Variants in SLC14A2 observed in about 807,000 individuals in gnomAD.
SLC14A2 encodes the protein urea transporter 2.
SLC14A2 carries 91 observed loss-of-function variants against 104.6 expected under a neutral mutation model. That is an observed-to-expected ratio of 0.87 (90% CI 0.73 to 1.04). The LOEUF (loss-of-function observed/expected upper bound fraction) is 1.04. Among genes scored for constraint, SLC14A2 ranks in the 50% least tolerant of loss-of-function variants. SLC14A2 has a pLI of 0.00. For missense variants in SLC14A2, 1,189 were observed against 1,156.0 expected (o/e 1.03, Z -0.41); for synonymous variants, 476 against 466.4 (o/e 1.02, Z -0.27).
At chr18:45,276,222 C>T (rs188506647) in intron 1 of SLC14A2, among the ~76,000 whole-genome samples, 22 of 152,256 alleles carry the variant, frequency 1.4e-4, no homozygotes, top group African/African-American at 3.4e-4. Context: ...ATTTCACAGG[C>T]GGCATATTTC....
chr18:45,354,168 C>T (rs1168427051), intron 1 of SLC14A2, among the ~76,000 whole-genome samples: 1 of 152,180 alleles, frequency 6.6e-6, no homozygotes, highest in African/African-American at 2.4e-5. Flanking sequence ...AAATTACCTA[C>T]ACTATAACCA....
intron 1 of SLC14A2, among the ~76,000 whole-genome samples, chr18:45,427,321 G>T (rs957779031): frequency 6.6e-6 from 1 of 151,854 alleles, no homozygotes; most frequent in African/African-American, 2.4e-5. Flanking sequence ...CCCTGGCTCT[G>T]TGCCCAAGGC....
intron 1 of SLC14A2, among the ~76,000 whole-genome samples, chr18:45,251,001 C>A (rs1430545065): frequency 6.6e-6 from 1 of 151,978 alleles, no homozygotes; most frequent in Non-Finnish European, 1.5e-5. Flanking sequence ...CATAATTCAG[C>A]CATAGACATT....
chr18:45,323,778 C>T (rs1368873814), intron 1 of SLC14A2, among the ~76,000 whole-genome samples: 1 of 152,182 alleles, frequency 6.6e-6, no homozygotes, highest in African/African-American at 2.4e-5. Flanking sequence ...AAGGTAGATT[C>T]CAAACACCAG....
At position 45,642,966 on chromosome 18, in the gene SLC14A2, A is replaced by T. The variant is rs564560447; in HGVS notation, c.1127-166A>T. Among the ~76,000 whole-genome samples the T allele has an allele frequency of 8.1e-4, 123 of 152,374 alleles. 1 individual carries two copies. Among genetic ancestry groups the T allele is most frequent in the Non-Finnish European group, 1.5e-3 (99 of 68,030 alleles). ...GGCCTCACCTGTCTACAGAGATAAC[A>T]AATGCCAGGCAAGCATGCCAGCTGT... is the stretch of plus-strand genomic sequence containing the variant. On this transcript the variant is annotated intron_variant, in intron 8 of 19. Coordinates refer to ENST00000255226, the MANE Select transcript of SLC14A2 (RefSeq NM_007163.4).
At chr18:45,574,483 C>T (rs938993036) in intron 2 of SLC14A2, among the ~76,000 whole-genome samples, 1 of 152,236 alleles carries the variant, frequency 6.6e-6, no homozygotes, top group African/African-American at 2.4e-5. Context: ...CTACAAAAAC[C>T]GTCCCACCCT....
At chr18:45,601,691 T>C (rs1218170257) in intron 2 of SLC14A2, among the ~76,000 whole-genome samples, 1 of 152,262 alleles carries the variant, frequency 6.6e-6, no homozygotes, top group Non-Finnish European at 1.5e-5. Context: ...ATGAACATCA[T>C]TGAGGAAAAT....
intron 1 of SLC14A2, among the ~76,000 whole-genome samples, chr18:45,280,984 A>T (rs1308513735): frequency 2.0e-5 from 3 of 152,110 alleles, no homozygotes; most frequent in Admixed American, 6.5e-5. Flanking sequence ...CGAGGTCTCC[A>T]GCCTCCTCCC....
At chr18:45,562,640 C>T (rs924152918) in intron 2 of SLC14A2, among the ~76,000 whole-genome samples, 17 of 152,240 alleles carry the variant, frequency 1.1e-4, no homozygotes, top group African/African-American at 3.4e-4. Context: ...CTTGTTGGCC[C>T]GGGCAGCCGG....
chr18:45,466,735 G>A (rs74479752), intron 1 of SLC14A2, among the ~76,000 whole-genome samples: 3,214 of 151,556 alleles, frequency 0.021, 67 homozygotes, highest in South Asian at 0.068. Flanking sequence ...AGTTAAATTC[G>A]GAATGCAATG....
chr18:45,470,338 C>T (rs2087224043), intron 1 of SLC14A2, among the ~76,000 whole-genome samples: 1 of 152,142 alleles, frequency 6.6e-6, no homozygotes, highest in South Asian at 2.1e-4. Context: ...TTTCCAGTCA[C>T]TTTATTTTAA....
chr18:45,241,642 T>C (rs1440227709), intron 1 of SLC14A2, among the ~76,000 whole-genome samples: 3 of 90,972 alleles, frequency 3.3e-5, no homozygotes, highest in Middle Eastern at 5.4e-3. Context: ...CTTTTCTCTT[T>C]TTTTTTTTTT....
intron 1 of SLC14A2, among the ~76,000 whole-genome samples, chr18:45,285,486 C>T (rs1018633706): frequency 9.2e-5 from 14 of 152,186 alleles, no homozygotes; most frequent in East Asian, 5.8e-4. Flanking sequence ...GGTGCAATCT[C>T]GGCTCACCGC....
At chr18:45,294,681 A>G (rs1337384851) in intron 1 of SLC14A2, among the ~76,000 whole-genome samples, 1 of 152,238 alleles carries the variant, frequency 6.6e-6, no homozygotes, top group Non-Finnish European at 1.5e-5. Flanking sequence ...ACGATCAAAT[A>G]TATTTGGCTG....
chr18:45,183,863 GCT>G, the SLC14A2 span, among the ~76,000 whole-genome samples: 1 of 146,290 alleles, frequency 6.8e-6, no homozygotes, highest in Non-Finnish European at 1.5e-5. Context: ...CTCCCAACAA[GCT>G]GGAACTGTAG....
In SLC14A2 at chr18:45,482,458, C is replaced by A. The variant is rs2087512843; in HGVS notation, c.-124-775C>A. The A allele has an allele frequency of 3.3e-5, 5 of 152,304 alleles. No homozygotes were observed. The South Asian group carries it at 1.0e-3, about 32-fold the overall frequency. 9.4% of individuals were successfully genotyped at this position (152,304 alleles called of 1,614,324 possible). On this transcript the variant is annotated intron_variant, in intron 1 of 20. Coordinates refer to the SLC14A2 transcript ENST00000586448. The stretch of plus-strand genomic sequence containing the variant: ...TCCATCCTCTGACTCAGATCTCTCA[C>A]AAGGCTACAATGAAGGTATTTGATG...
At chr18:45,351,958 C>A (rs1453329004) in intron 1 of SLC14A2, among the ~76,000 whole-genome samples, 1 of 152,066 alleles carries the variant, frequency 6.6e-6, no homozygotes, top group Non-Finnish European at 1.5e-5. Context: ...GTCATAGGAC[C>A]ATCAGGGAGA....
chr18:45,512,654 C>A (rs1168378336), intron 2 of SLC14A2, among the ~76,000 whole-genome samples: 5 of 152,162 alleles, frequency 3.3e-5, no homozygotes, highest in Non-Finnish European at 7.3e-5. Context: ...CAATCTATTT[C>A]ATTTGGAAGT....
At chr18:45,660,806 G>A (rs1000668009) in intron 10 of SLC14A2, among the ~76,000 whole-genome samples, 4 of 152,244 alleles carry the variant, frequency 2.6e-5, no homozygotes, top group East Asian at 3.9e-4. Flanking sequence ...CTTTATCCAC[G>A]ATGAAAGTCC....
Sources: allele counts gnomAD v4.1 joint callset (sites outside exome capture counted in the v4.1 genomes callset), GRCh38; gene constraint gnomAD v4.1.1; transcripts MANE v1.5; gene names NCBI Gene and HGNC (gene_info 2026-07-23, HGNC 2026-07-21).